The following ERC1 variants were observed in gnomAD, a reference collection of about 807,000 sequenced individuals.
ERC1 encodes ELKS/RAB6-interacting/CAST family member 1.
A neutral mutation model predicts 132.0 loss-of-function variants in ERC1; 56 were observed. The observed-to-expected ratio is 0.42, with a 90% CI of 0.34 to 0.53. ERC1 has a LOEUF of 0.53. ERC1 is among the 20% of genes least tolerant of loss of function. ERC1 has a pLI of 0.03. For synonymous variants in ERC1, 478 were observed against 476.1 expected, an observed-to-expected ratio of 1.00 and a Z score of -0.05; for missense variants, 1,202 against 1,349.9, an observed-to-expected ratio of 0.89 and a Z score of 1.72.
chr12:1,368,743 G>T (rs2086894310), intron 15 of ERC1, among the ~76,000 whole-genome samples: 1 of 151,556 alleles, frequency 6.6e-6, no homozygotes, highest in Non-Finnish European at 1.5e-5. Context: ...TTGTAACCAA[G>T]AGAACAATAC....
intron 8 of ERC1, among the ~76,000 whole-genome samples, chr12:1,179,526 G>C (rs1417410096): frequency 1.3e-4 from 3 of 22,734 alleles, no homozygotes; most frequent in Non-Finnish European, 3.2e-4. Flanking sequence ...TTTTTTTTTT[G>C]AGACGGAGTC....
intron 2 of ERC1, among the ~76,000 whole-genome samples, chr12:1,040,264 T>G (rs941498829): frequency 1.3e-5 from 2 of 152,178 alleles, no homozygotes; most frequent in African/African-American, 4.8e-5. Context: ...ATGAACTGTT[T>G]TTGTGCTACC....
chr12:1,349,619 A>G (rs2154365949), intron 15 of ERC1, among the ~76,000 whole-genome samples: 1 of 150,656 alleles, frequency 6.6e-6, no homozygotes, highest in African/African-American at 2.5e-5. Context: ...AGCCGAGATC[A>G]TGCCACTGCA....
chr12:1,004,806 CTGTGTGTGTGTGTGTG>C lies in ERC1; in HGVS notation c.-157+13512_-157+13527del, dbSNP rs60674277. The stretch of plus-strand genomic sequence containing the variant: ...CTTTTCTCTGGCTGCCTGCCTTTTT[CTGTGTGTGTGTGTGTG>C]TGTGTGTGTGTGTGTGTGTGTGTGT... On this transcript the variant is annotated intron_variant, in intron 1 of 18. Transcript: ENST00000360905. Among the ~76,000 whole-genome samples the C allele has an allele frequency of 5.1e-4, 75 of 146,934 alleles. 1 individual carries two copies. The Middle Eastern group carries it at 0.01, about 20-fold the overall frequency.
intron 12 of ERC1, among the ~76,000 whole-genome samples, chr12:1,232,867 T>C (rs1281505606): frequency 6.6e-6 from 1 of 151,898 alleles, no homozygotes; most frequent in Non-Finnish European, 1.5e-5. Flanking sequence ...TGATGTGTTA[T>C]ATAACTGTAA....
At chr12:1,315,335 A>G (rs1484952553) in intron 15 of ERC1, among the ~76,000 whole-genome samples, 1 of 151,004 alleles carries the variant, frequency 6.6e-6, no homozygotes, top group Non-Finnish European at 1.5e-5. Flanking sequence ...GAAGTTTTCT[A>G]CAGTTTTTTT....
At chr12:1,095,353 T>G (rs1943880346) in intron 3 of ERC1, among the ~76,000 whole-genome samples, 1 of 141,208 alleles carries the variant, frequency 7.1e-6, no homozygotes, top group Admixed American at 7.7e-5. Context: ...TCGCTTGAAC[T>G]CGGGAGGTGG....
At chr12:1,270,350 G>A (rs1396235647) in intron 14 of ERC1, among the ~76,000 whole-genome samples, 2 of 152,030 alleles carry the variant, frequency 1.3e-5, no homozygotes, top group Non-Finnish European at 2.9e-5. Context: ...TGGGACTAAA[G>A]GTGCCCACCA....
intron 14 of ERC1, among the ~76,000 whole-genome samples, chr12:1,283,914 C>T (rs1454087378): frequency 6.6e-6 from 1 of 152,186 alleles, no homozygotes; most frequent in Non-Finnish European, 1.5e-5. Context: ...TGTGTTGCAA[C>T]ATTCCAAATC....
chr12:1,393,954 T>G (rs1345084589), intron 16 of ERC1, among the ~76,000 whole-genome samples: 5 of 131,378 alleles, frequency 3.8e-5, no homozygotes, highest in African/African-American at 1.5e-4. Context: ...AGGCGGAGGT[T>G]GCAGTGAGCT....
At chr12:1,013,347 A>G (rs772094879) in intron 1 of ERC1, among the ~76,000 whole-genome samples, 1 of 152,160 alleles carries the variant, frequency 6.6e-6, no homozygotes, top group Non-Finnish European at 1.5e-5. Context: ...CATGATGAGA[A>G]CTTTGAGAGA....
intron 2 of ERC1, among the ~76,000 whole-genome samples, chr12:1,033,193 C>T (rs1052176823): frequency 6.6e-6 from 1 of 151,970 alleles, no homozygotes; most frequent in African/African-American, 2.4e-5. Context: ...CCTGCCACCA[C>T]GCCCAGCTAA....
chr12:1,071,190 G>A (rs1940288315), intron 2 of ERC1, among the ~76,000 whole-genome samples: 1 of 152,188 alleles, frequency 6.6e-6, no homozygotes, highest in South Asian at 2.1e-4. Flanking sequence ...ATTGGTACAT[G>A]TTTTCATTTC....
intron 16 of ERC1, among the ~76,000 whole-genome samples, chr12:1,394,648 G>A (rs576407456): frequency 4.6e-5 from 7 of 152,184 alleles, no homozygotes; most frequent in East Asian, 1.9e-4. Flanking sequence ...AAAAGTGTGC[G>A]ATACTTCCCC....
intron 7 of ERC1, among the ~76,000 whole-genome samples, chr12:1,134,220 A>G (rs556502571): frequency 6.6e-6 from 1 of 152,260 alleles, no homozygotes; most frequent in South Asian, 2.1e-4. Context: ...TATATTAAAG[A>G]GATTTGCAAA....
intron 16 of ERC1, among the ~76,000 whole-genome samples, chr12:1,393,362 T>A (rs1302172544): frequency 6.6e-6 from 1 of 152,096 alleles, no homozygotes; most frequent in Non-Finnish European, 1.5e-5. Flanking sequence ...AAACCTCATC[T>A]CTACACAACA....
chr12:1,015,129 C>T (rs1224571527), intron 1 of ERC1, among the ~76,000 whole-genome samples: 1 of 151,126 alleles, frequency 6.6e-6, no homozygotes, highest in Non-Finnish European at 1.5e-5. Context: ...AGTGCAGTGG[C>T]ATGATCTTGG....
At position 1,083,375 on chromosome 12, in the gene ERC1, G is replaced by C; in HGVS notation, c.881G>C (p.Arg294Pro). Reference sequence around the variant, plus strand: ...AAGACATTGGAGGAAATGGAGCTGCGTATTGAGACTCAAAAGCAGACCCTA... The same window carrying C: ...AAGACATTGGAGGAAATGGAGCTGCCTATTGAGACTCAAAAGCAGACCCTA... ...LRKTLEEMEL[R>P]IETQKQTLNA... The change falls in exon 3 of 19, where the codon CGT becomes CCT. Residue 294 changes from arginine to proline, a missense_variant. By Grantham distance (103) the Arg-to-Pro change is moderately radical. Coordinates refer to ENST00000360905, the MANE Select transcript of ERC1 (RefSeq NM_178040.4). 6.2e-7 allele frequency: 1 copy of C among 1,614,160 alleles called. No homozygotes were observed. The highest frequency in any genetic ancestry group is 8.5e-7 in the Non-Finnish European group (1 of 1,180,012).
At chr12:1,367,951 C>CTTTT (rs59027116) in intron 15 of ERC1, among the ~76,000 whole-genome samples, 1 of 118,536 alleles carries the variant, frequency 8.4e-6, no homozygotes, top group African/African-American at 3.3e-5. Flanking sequence ...CCACATTTTC[C>CTTTT]TTTTTTTTTT....
Sources: gnomAD v4.1 joint callset for allele counts (sites outside exome capture counted in the v4.1 genomes callset) on GRCh38, gnomAD v4.1.1 for gene constraint, MANE v1.5 for transcripts, NCBI Gene and HGNC (gene_info 2026-07-23, HGNC 2026-07-21) for gene names.